Variants in SASH1 observed in about 807,000 individuals in gnomAD.
SASH1 encodes the protein SAM and SH3 domain-containing protein 1.
A neutral mutation model predicts 125.2 loss-of-function variants in SASH1; 44 were observed. The ratio of observed to expected loss-of-function variants is 0.35; its 90% CI spans 0.28 to 0.45. The LOEUF (loss-of-function observed/expected upper bound fraction) is 0.45, where lower values mean the gene tolerates loss of function less well. Among genes scored for constraint, SASH1 ranks in the 20% least tolerant of loss-of-function variants. The pLI is 1.00. For missense variants in SASH1, 1,426 were observed against 1,614.5 expected (o/e 0.88, Z 2.00); for synonymous variants, 639 against 649.1 (o/e 0.98, Z 0.24).
chr6:148,424,136 C>T (rs954140536), intron 2 of SASH1, among the ~76,000 whole-genome samples: 1 of 151,992 alleles, frequency 6.6e-6, no homozygotes, highest in Non-Finnish European at 1.5e-5. Flanking sequence ...GCTCTGCTTG[C>T]CCTCCTCCCC....
chr6:148,432,133 G>T (rs11155567), intron 2 of SASH1, among the ~76,000 whole-genome samples: 26,840 of 151,950 alleles, frequency 0.18, 2,560 homozygotes, highest in South Asian at 0.23. Flanking sequence ...GTGCCACCAC[G>T]CTGGGCTAAT....
chr6:148,496,624 G>A (rs1779320921), intron 8 of SASH1, among the ~76,000 whole-genome samples: 2 of 152,172 alleles, frequency 1.3e-5, no homozygotes, highest in African/African-American at 4.8e-5. Flanking sequence ...GGGTGTGGTG[G>A]CCCATGCCTG....
At chr6:148,275,530 A>G (rs1338523144) in intron 1 of SASH1, among the ~76,000 whole-genome samples, 1 of 151,404 alleles carries the variant, frequency 6.6e-6, no homozygotes, top group Non-Finnish European at 1.5e-5. Flanking sequence ...CCACCTCTCT[A>G]CTCCCTTGGC....
Position 148,383,604 on chromosome 6 carries a change from C to T in SASH1, c.157-6530C>T, listed in dbSNP as rs983278648. Among the ~76,000 whole-genome samples the T allele has an allele frequency of 1.4e-4, 22 of 152,262 alleles. 1 individual carries two copies. Among genetic ancestry groups the T allele is most frequent in the African/African-American group, 3.9e-4 (16 of 41,556 alleles). On this transcript the variant is annotated intron_variant, in intron 1 of 19. Coordinates refer to ENST00000367467, the MANE Select transcript of SASH1 (RefSeq NM_015278.5). ...CTGCATGCAACAGATCACATTGTAT[C>T]TCCTGATGTTTTCAGATGCTTTTTT...
chr6:148,380,568 A>G (rs1356301274), intron 1 of SASH1, among the ~76,000 whole-genome samples: 2 of 152,252 alleles, frequency 1.3e-5, no homozygotes, highest in African/African-American at 2.4e-5. Flanking sequence ...TGTTAAGCTC[A>G]GGGCAGATTA....
intron 1 of SASH1, among the ~76,000 whole-genome samples, chr6:148,388,389 A>T (rs1783568308): frequency 6.6e-6 from 1 of 152,200 alleles, no homozygotes; most frequent in Non-Finnish European, 1.5e-5. Context: ...GGGGTCTCCC[A>T]CGTTGCCTGC....
the SASH1 span, among the ~76,000 whole-genome samples, chr6:148,218,022 A>T: frequency 1.3e-4 from 19 of 151,296 alleles, no homozygotes; most frequent in Non-Finnish European, 1.8e-4. Flanking sequence ...CTCAAAAAAA[A>T]AAAAATAAAT....
chr6:148,212,664 C>A, the SASH1 span, among the ~76,000 whole-genome samples: 81 of 152,206 alleles, frequency 5.3e-4, 1 homozygote, highest in Non-Finnish European at 1.2e-4. Flanking sequence ...ATGTGTGGAA[C>A]TGCAAAGCCT....
At chr6:148,542,883 C>CGT (rs1782316089) in intron 17 of SASH1, among the ~76,000 whole-genome samples, 1 of 150,958 alleles carries the variant, frequency 6.6e-6, no homozygotes, top group Non-Finnish European at 1.5e-5. Context: ...TGTGTGTGCG[C>CGT]GCGCACATGT....
chr6:148,400,362 A>C (rs1784123841), intron 2 of SASH1, among the ~76,000 whole-genome samples: 1 of 152,224 alleles, frequency 6.6e-6, no homozygotes, highest in Non-Finnish European at 1.5e-5. Context: ...GTCACACACT[A>C]CACCTGACAT....
intron 6 of SASH1, among the ~76,000 whole-genome samples, 165 bp from the exon 7 acceptor site, chr6:148,473,945 A>G (rs547736844): frequency 6.6e-6 from 1 of 152,322 alleles, no homozygotes; most frequent in African/African-American, 2.4e-5. Flanking sequence ...TGGCTTCTTA[A>G]AAAGCAGCAT....
chr6:148,516,909 A>C (rs750132025), intron 9 of SASH1, among the ~76,000 whole-genome samples: 39 of 152,016 alleles, frequency 2.6e-4, no homozygotes, highest in Non-Finnish European at 1.5e-5. Flanking sequence ...TTCTTCATTC[A>C]TTCTCACCCT....
chr6:148,237,340 C>G, the SASH1 span, among the ~76,000 whole-genome samples: 2 of 152,134 alleles, frequency 1.3e-5, no homozygotes, highest in Non-Finnish European at 2.9e-5. Context: ...CTTCCTTGTT[C>G]CAGCATATAT....
rs747503307 is a variant in SASH1, at chr6:148,544,742, T to G, written c.3272T>G (p.Val1091Gly). ...AGGAAGGTCTCCTGTGCCCGGGGAG[T>G]GGATCTAGAAACGCTCACTGAAAAC... is the stretch of plus-strand genomic sequence containing the variant. ...LTRKVSCARG[V>G]DLETLTENKL... is the part of the protein sequence containing the mutation. Residue 1091 changes from valine to glycine, a missense_variant, in exon 18 of 20, where the codon GTG becomes GGG. By Grantham distance (109) the Val-to-Gly change is moderately radical. This residue lies in a region of SASH1 where 634 missense variants were observed against 694.4 expected (regional missense o/e 0.91). Transcript: ENST00000367467. The surrounding 1 kb of genome is among the most constrained non-coding windows in gnomAD (Gnocchi z 6.4). The G allele has an allele frequency of 6.2e-7, 1 of 1,606,270 alleles. No individual in the cohort carries two copies. Among genetic ancestry groups the G allele is most frequent in the South Asian group, 1.1e-5 (1 of 89,914 alleles).
chr6:148,357,379 T>G (rs1049366920), intron 1 of SASH1, among the ~76,000 whole-genome samples: 3 of 152,176 alleles, frequency 2.0e-5, no homozygotes, highest in Non-Finnish European at 4.4e-5. Flanking sequence ...GTAAAACAGG[T>G]AAAATACTGA....
At chr6:148,496,090 C>T (rs1406922915) in intron 8 of SASH1, among the ~76,000 whole-genome samples, 1 of 151,962 alleles carries the variant, frequency 6.6e-6, no homozygotes, top group African/African-American at 2.4e-5. Context: ...TCAGGTGATC[C>T]GCCTGCCTCG....
At chr6:148,294,102 C>T (rs1403656746) in intron 1 of SASH1, among the ~76,000 whole-genome samples, 27 of 152,292 alleles carry the variant, frequency 1.8e-4, no homozygotes, top group Admixed American at 1.4e-3. Flanking sequence ...GGGCTGGCCC[C>T]GCCACCCAAA....
intron 1 of SASH1, among the ~76,000 whole-genome samples, chr6:148,367,818 A>C (rs997542107): frequency 6.6e-6 from 1 of 152,126 alleles, no homozygotes; most frequent in Non-Finnish European, 1.5e-5. Flanking sequence ...CAGGAGGGGG[A>C]CACCCCTCGG....
chr6:148,343,329 A>T, intron 1 of SASH1, 106 bp downstream of exon 1: 1 of 1,057,766 alleles, frequency 9.5e-7, no homozygotes, highest in South Asian at 1.6e-5. Context: ...CACTCCGCAG[A>T]GGCGTCCTTC....
Sources: allele counts gnomAD v4.1 joint callset (sites outside exome capture counted in the v4.1 genomes callset), GRCh38; gene constraint gnomAD v4.1.1; regional missense constraint gnomAD v4.1.1; non-coding constraint Gnocchi (gnomAD v3.1); transcripts MANE v1.5; gene names NCBI Gene and HGNC (gene_info 2026-07-23, HGNC 2026-07-21).